Variants in ERBB4 observed in about 807,000 individuals in gnomAD.
ERBB4 encodes the protein receptor tyrosine-protein kinase erbB-4.
Under a neutral mutation model 158.0 loss-of-function variants are expected in ERBB4, and 42 were observed. The observed-to-expected ratio is 0.27, with a 90% CI of 0.21 to 0.34. The LOEUF is 0.34. ERBB4 is among the 10% of genes least tolerant of loss of function. ERBB4 has a pLI of 1.00. For missense variants in ERBB4, 1,333 were observed against 1,624.1 expected, an observed-to-expected ratio of 0.82 and a Z score of 3.08; for synonymous variants, 583 against 558.7, an observed-to-expected ratio of 1.04 and a Z score of -0.61.
intron 17 of ERBB4, among the ~76,000 whole-genome samples, chr2:211,624,972 T>A (rs2069782325): frequency 6.6e-6 from 1 of 151,148 alleles, no homozygotes; most frequent in Admixed American, 6.6e-5. Context: ...AAAATTAGGC[T>A]GATAGTTTTA....
intron 2 of ERBB4, among the ~76,000 whole-genome samples, chr2:212,074,184 CTG>C (rs2078209588): frequency 6.6e-6 from 1 of 151,920 alleles, no homozygotes; most frequent in African/African-American, 2.4e-5. Flanking sequence ...AATAAGAACT[CTG>C]TAAAAATGCA....
intron 15 of ERBB4, among the ~76,000 whole-genome samples, chr2:211,663,342 T>A (rs2071502998): frequency 6.6e-6 from 1 of 152,148 alleles, no homozygotes; most frequent in African/African-American, 2.4e-5. Flanking sequence ...ATTAAGTCAG[T>A]CATTAGAGAA....
chr2:211,653,310 C>A (rs1245574376), intron 16 of ERBB4, among the ~76,000 whole-genome samples: 1 of 152,090 alleles, frequency 6.6e-6, no homozygotes, highest in East Asian at 1.9e-4. Context: ...ATCCAATCTT[C>A]CTGAAAGAAA....
chr2:212,130,793 G>A (rs931551723), intron 1 of ERBB4, among the ~76,000 whole-genome samples: 2 of 152,006 alleles, frequency 1.3e-5, no homozygotes, highest in Non-Finnish European at 2.9e-5. Context: ...GTTTCATAGG[G>A]GCTTGTATAG....
intron 20 of ERBB4, among the ~76,000 whole-genome samples, chr2:211,513,292 A>T (rs1215415855): frequency 7.0e-6 from 1 of 142,358 alleles, no homozygotes. Context: ...CGGAGCTTGC[A>T]GTGAGCCGAG....
chr2:211,403,663 G>A (rs1019795966), intron 25 of ERBB4, among the ~76,000 whole-genome samples: 10 of 152,108 alleles, frequency 6.6e-5, no homozygotes, highest in African/African-American at 2.4e-4. Flanking sequence ...ACATCACTGT[G>A]AAAAGCTCTC....
intron 18 of ERBB4, among the ~76,000 whole-genome samples, chr2:211,621,869 AG>A (rs2069618205): frequency 6.6e-6 from 1 of 152,168 alleles, no homozygotes; most frequent in South Asian, 2.1e-4. Flanking sequence ...GGTAACAGGC[AG>A]GAAGCCCTAA....
intron 2 of ERBB4, among the ~76,000 whole-genome samples, chr2:212,080,467 A>C (rs540367872): frequency 1.3e-5 from 2 of 151,772 alleles, no homozygotes; most frequent in African/African-American, 4.8e-5. Context: ...TTTTTAAAAA[A>C]TAATGGTTAT....
At chr2:211,409,713 T>C (rs1173162685) in intron 25 of ERBB4, among the ~76,000 whole-genome samples, 1 of 152,152 alleles carries the variant, frequency 6.6e-6, no homozygotes, top group African/African-American at 2.4e-5. Flanking sequence ...TTTCATGGTT[T>C]TGACCAGGGG....
At chr2:212,474,804 TCCTGACACCCGGCCA>T (rs1689291867) in intron 1 of ERBB4, among the ~76,000 whole-genome samples, 1 of 147,136 alleles carries the variant, frequency 6.8e-6, no homozygotes, top group Non-Finnish European at 1.5e-5. Context: ...AATCACCATT[TCCTGACACCCGGCCA>T]TTCTTTTTTT....
At chr2:212,277,565 T>C (rs1468589553) in intron 1 of ERBB4, among the ~76,000 whole-genome samples, 1 of 151,748 alleles carries the variant, frequency 6.6e-6, no homozygotes, top group Non-Finnish European at 1.5e-5. Context: ...GGCTAACTGC[T>C]TCCTGTTCTT....
chr2:212,303,965 T>G (rs751519109), intron 1 of ERBB4, among the ~76,000 whole-genome samples: 3 of 151,610 alleles, frequency 2.0e-5, no homozygotes, highest in Non-Finnish European at 3.0e-5. Flanking sequence ...TAGATAACTT[T>G]CCTAATTTTT....
chr2:211,925,516 G>T (rs1220058315), intron 3 of ERBB4, among the ~76,000 whole-genome samples: 2 of 150,900 alleles, frequency 1.3e-5, no homozygotes, highest in Admixed American at 1.3e-4. Flanking sequence ...CAAGTAGCTG[G>T]GATTACAGGC....
intron 9 of ERBB4, among the ~76,000 whole-genome samples, chr2:211,707,721 C>T (rs1325435904): frequency 6.6e-6 from 1 of 152,110 alleles, no homozygotes; most frequent in African/African-American, 2.4e-5. Context: ...CTGCAGTTCC[C>T]ATTCTAAATA....
At chr2:212,414,837 G>C (rs187939639) in intron 1 of ERBB4, among the ~76,000 whole-genome samples, 19 of 152,288 alleles carry the variant, frequency 1.2e-4, no homozygotes, top group Admixed American at 5.9e-4. Context: ...AGACTGGTTT[G>C]TCTAATGATG....
chr2:212,130,510 A>G (rs1277544434), intron 1 of ERBB4, among the ~76,000 whole-genome samples: 1 of 152,176 alleles, frequency 6.6e-6, no homozygotes, highest in Non-Finnish European at 1.5e-5. Flanking sequence ...GGGGAAATAT[A>G]TTAAAAGTAA....
At chr2:211,404,657 T>C (rs1465483535) in intron 25 of ERBB4, among the ~76,000 whole-genome samples, 1 of 152,124 alleles carries the variant, frequency 6.6e-6, no homozygotes, top group African/African-American at 2.4e-5. Flanking sequence ...TTTGTTTGTG[T>C]AGTTGGTGAG....
At chr2:212,127,381 A>G (rs1441753919) in intron 1 of ERBB4, among the ~76,000 whole-genome samples, 1 of 152,184 alleles carries the variant, frequency 6.6e-6, no homozygotes, top group East Asian at 1.9e-4. Context: ...TCACGAGGTC[A>G]GGAGATCGAG....
chr2:211,878,834 A>G (rs1196765030), intron 3 of ERBB4, among the ~76,000 whole-genome samples: 1 of 152,126 alleles, frequency 6.6e-6, no homozygotes, highest in Non-Finnish European at 1.5e-5. Flanking sequence ...AAAAACAAAA[A>G]ACAAAAATTG....
Sources: gnomAD v4.1 joint callset for allele counts (sites outside exome capture counted in the v4.1 genomes callset) on GRCh38, gnomAD v4.1.1 for gene constraint, MANE v1.5 for transcripts, NCBI Gene and HGNC (gene_info 2026-07-23, HGNC 2026-07-21) for gene names.